The following CHRM5 variants were observed in gnomAD, a reference collection of about 807,000 sequenced individuals.
CHRM5 encodes the protein cholinergic receptor muscarinic 5, also known as muscarinic acetylcholine receptor M5.
Under a neutral mutation model 39.0 loss-of-function variants are expected in CHRM5, and 18 were observed. That is an observed-to-expected ratio of 0.46 (90% CI 0.32 to 0.68). The LOEUF (loss-of-function observed/expected upper bound fraction) is 0.68. Ranked by LOEUF, CHRM5 falls within the 30% of genes least tolerant of loss-of-function variation. CHRM5 has a pLI of 0.04. For synonymous variants in CHRM5, 241 were observed against 246.3 expected, an observed-to-expected ratio of 0.98 and a Z score of 0.20; for missense variants, 515 against 651.1, an observed-to-expected ratio of 0.79 and a Z score of 2.28.
intron 1 of CHRM5, among the ~76,000 whole-genome samples, chr15:34,034,468 G>GA (rs1899025203): frequency 6.8e-6 from 1 of 147,780 alleles, no homozygotes; most frequent in African/African-American, 2.5e-5. Flanking sequence ...AAAAGGAAAA[G>GA]AAAAAATCAA....
At chr15:33,998,420 C>T (rs1014966276) in intron 1 of CHRM5, among the ~76,000 whole-genome samples, 1 of 152,016 alleles carries the variant, frequency 6.6e-6, no homozygotes, top group Non-Finnish European at 1.5e-5. Context: ...CCCAGGAATT[C>T]GAGACCAGCC....
chr15:33,971,701 G>T (rs1256295406), intron 1 of CHRM5, among the ~76,000 whole-genome samples: 12 of 151,890 alleles, frequency 7.9e-5, no homozygotes, highest in Admixed American at 7.9e-4. Context: ...ATAACTTTAA[G>T]TTTTCATAAG....
At chr15:34,006,994 T>C in intron 1 of CHRM5, 1 of 874,332 alleles carries the variant, frequency 1.1e-6, no homozygotes, top group Non-Finnish European at 1.4e-6. Flanking sequence ...ATCATTTTCA[T>C]ATAAATATTG....
rs765515490 is a variant in CHRM5 at position 34,064,181 on chromosome 15, C to A, written c.1464C>A (p.Ser488Arg). Reference protein sequence around the residue: ...HLGYWLCYVNSTVNPICYALC... With the variant: ...HLGYWLCYVNRTVNPICYALC... ...GCTATTGGTTGTGCTATGTCAATAG[C>A]ACTGTCAACCCCATCTGCTATGCCC... is the stretch of plus-strand genomic sequence containing the variant. The change falls in exon 3 of 3, where the codon AGC (serine) becomes AGA (arginine). Residue 488 changes from serine to arginine, a missense_variant. Coordinates refer to ENST00000383263, the MANE Select transcript of CHRM5 (RefSeq NM_012125.4). 2 of 1,614,078 alleles carry A rather than the reference C, an allele frequency of 1.2e-6. No individual in the cohort carries two copies. The highest frequency in any genetic ancestry group is 2.7e-5 in the African/African-American group (2 of 74,928).
chr15:33,971,907 T>G (rs1301222843), intron 1 of CHRM5, among the ~76,000 whole-genome samples: 2 of 152,110 alleles, frequency 1.3e-5, no homozygotes, highest in Non-Finnish European at 2.9e-5. Context: ...AATCTTTGGT[T>G]TGTGACATCA....
At chr15:34,046,345 A>C (rs1039736761) in intron 1 of CHRM5, among the ~76,000 whole-genome samples, 195 bp from the exon 2 acceptor site, 31 of 151,308 alleles carry the variant, frequency 2.0e-4, no homozygotes, top group African/African-American at 7.5e-4. Context: ...TGAGGCAGGA[A>C]AAAAAAAAAA....
At chr15:34,060,584 A>G (rs1191207550) in intron 2 of CHRM5, among the ~76,000 whole-genome samples, 1 of 152,214 alleles carries the variant, frequency 6.6e-6, no homozygotes, top group African/African-American at 2.4e-5. Flanking sequence ...AGGGTCATCA[A>G]AAAGATTTTC....
Position 33,968,950 on chromosome 15 carries a change from C to G in CHRM5, c.-608C>G, listed in dbSNP as rs775549743. 6.6e-6 allele frequency: 1 copy of G among 152,008 alleles called. No homozygotes were observed. The highest frequency in any genetic ancestry group is 6.6e-5 in the Admixed American group (1 of 15,236). 9.4% of individuals were successfully genotyped at this position (152,008 alleles called of 1,614,324 possible). A position where few individuals can be genotyped will look rare whatever the true frequency, so the allele number is the denominator to read the frequency against. ...CACCCTTCTGGTTCTATAATCCTAT[C>G]CAAATGGAGTCTTCATCTACCGCAT... On this transcript the variant is annotated 5_prime_UTR_variant, in exon 1 of 3. The change creates a new upstream start codon in the 5' untranslated region. Coordinates refer to ENST00000383263, the MANE Select transcript of CHRM5 (RefSeq NM_012125.4).
chr15:34,044,317 A>G (rs746613269), intron 1 of CHRM5, among the ~76,000 whole-genome samples: 4 of 152,138 alleles, frequency 2.6e-5, no homozygotes, highest in Admixed American at 1.3e-4. Context: ...AACTAAATCC[A>G]ATGGTCAGGT....
intron 1 of CHRM5, among the ~76,000 whole-genome samples, chr15:34,010,466 AG>A (rs1409622325): frequency 5.9e-5 from 9 of 152,170 alleles, no homozygotes; most frequent in African/African-American, 1.7e-4. Context: ...TCCTATTTAA[AG>A]CCTTTTATGT....
chr15:34,004,800 T>A (rs951839580), intron 1 of CHRM5, among the ~76,000 whole-genome samples: 2 of 152,140 alleles, frequency 1.3e-5, no homozygotes, highest in African/African-American at 4.8e-5. Context: ...TACTTTTGCA[T>A]GTATTTAAAT....
chr15:34,029,347 A>G (rs370074265), intron 1 of CHRM5, among the ~76,000 whole-genome samples: 5 of 152,280 alleles, frequency 3.3e-5, no homozygotes, highest in African/African-American at 1.2e-4. Context: ...TCTTAATTCA[A>G]TAATTCCCTT....
At chr15:34,000,528 A>C (rs1285682501) in intron 1 of CHRM5, among the ~76,000 whole-genome samples, 2 of 152,242 alleles carry the variant, frequency 1.3e-5, no homozygotes, top group African/African-American at 2.4e-5. Context: ...TGCACACCTA[A>C]GGAACCAACA....
chr15:34,020,228 G>C (rs1022041063), intron 1 of CHRM5, among the ~76,000 whole-genome samples: 1 of 151,888 alleles, frequency 6.6e-6, no homozygotes, highest in Non-Finnish European at 1.5e-5. Flanking sequence ...GGAGAATGGC[G>C]TGAACCAGGG....
At chr15:34,003,292 T>C (rs1464428942) in intron 1 of CHRM5, 1 of 1,200,006 alleles carries the variant, frequency 8.3e-7, no homozygotes. Flanking sequence ...AAAAAGTACA[T>C]GGACATAACA....
intron 1 of CHRM5, among the ~76,000 whole-genome samples, chr15:34,025,145 G>T (rs1898398945): frequency 6.6e-6 from 1 of 152,144 alleles, no homozygotes; most frequent in Non-Finnish European, 1.5e-5. Context: ...ACTCCACCCT[G>T]GGCGATGGAG....
chr15:33,997,474 A>G (rs1896981295), intron 1 of CHRM5, among the ~76,000 whole-genome samples: 1 of 152,218 alleles, frequency 6.6e-6, no homozygotes, highest in African/African-American at 2.4e-5. Context: ...ACACCAACTC[A>G]CAGCCAGGCA....
intron 2 of CHRM5, among the ~76,000 whole-genome samples, chr15:34,061,300 A>G (rs1900328745): frequency 6.6e-6 from 1 of 152,184 alleles, no homozygotes; most frequent in Non-Finnish European, 1.5e-5. Flanking sequence ...TAGTTTTGAA[A>G]GTTAAAATTT....
intron 1 of CHRM5, among the ~76,000 whole-genome samples, chr15:33,999,244 G>A (rs532388813): frequency 2.0e-5 from 3 of 152,314 alleles, no homozygotes; most frequent in Non-Finnish European, 2.9e-5. Context: ...TCCCCTCACC[G>A]AAGGTGATTC....
Sources: allele counts gnomAD v4.1 joint callset (sites outside exome capture counted in the v4.1 genomes callset), GRCh38; gene constraint gnomAD v4.1.1; transcripts MANE v1.5; gene names NCBI Gene and HGNC (gene_info 2026-07-23, HGNC 2026-07-21).